The following ARFGEF2 variants were observed in gnomAD, a reference collection of about 807,000 sequenced individuals.
The protein encoded by ARFGEF2 is brefeldin A-inhibited guanine nucleotide-exchange protein 2.
A neutral mutation model predicts 219.9 loss-of-function variants in ARFGEF2; 74 were observed. The observed-to-expected ratio is 0.34, with a 90% CI of 0.28 to 0.41. The LOEUF (loss-of-function observed/expected upper bound fraction) is 0.41. Ranked by LOEUF, ARFGEF2 falls within the 10% of genes least tolerant of loss-of-function variation. The pLI is 1.00. For synonymous variants in ARFGEF2, 733 were observed against 799.2 expected, an observed-to-expected ratio of 0.92 and a Z score of 1.40; for missense variants, 1,743 against 2,218.3, an observed-to-expected ratio of 0.79 and a Z score of 4.30.
chr20:48,976,875 A>G (rs1457930863), intron 14 of ARFGEF2, among the ~76,000 whole-genome samples: 1 of 152,120 alleles, frequency 6.6e-6, no homozygotes, highest in Non-Finnish European at 1.5e-5. Context: ...TATATATTAC[A>G]TGAAAAATTT....
intron 27 of ARFGEF2, 139 bp downstream of exon 27, chr20:49,010,543 A>G: frequency 1.0e-6 from 1 of 979,350 alleles, no homozygotes; most frequent in Non-Finnish European, 1.6e-6. Flanking sequence ...GCCGTGTTGT[A>G]AGCGCTTGAT....
chr20:48,971,062 C>T (rs919720550), intron 9 of ARFGEF2, 58 bp from the exon 10 acceptor site: 1 of 1,431,122 alleles, frequency 7.0e-7, no homozygotes. Context: ...TCTCAAGAAA[C>T]ATACTGTTTG....
intron 6 of ARFGEF2, among the ~76,000 whole-genome samples, chr20:48,958,830 G>A (rs1209440550): frequency 6.6e-6 from 1 of 152,096 alleles, no homozygotes; most frequent in Non-Finnish European, 1.5e-5. Flanking sequence ...TTACTGTGTA[G>A]TAACAACAGT....
intron 3 of ARFGEF2, among the ~76,000 whole-genome samples, chr20:48,944,946 G>A (rs1275583729): frequency 6.6e-6 from 1 of 152,188 alleles, no homozygotes; most frequent in African/African-American, 2.4e-5. Context: ...TTCAACAACA[G>A]GCATTTATTT....
At chr20:49,029,705 C>T (rs1022839085) in intron 37 of ARFGEF2, among the ~76,000 whole-genome samples, 1 of 151,748 alleles carries the variant, frequency 6.6e-6, no homozygotes, top group African/African-American at 2.4e-5. Context: ...AATTCTCCTG[C>T]CTCGGCCTCC....
Position 49,032,143 on chromosome 20 carries a change from A to C in ARFGEF2, c.5158A>C (p.Thr1720Pro). 6.2e-7 allele frequency: 1 copy of C among 1,613,496 alleles called. No homozygotes were observed. The highest frequency in any genetic ancestry group is 8.5e-7 in the Non-Finnish European group (1 of 1,179,558). Reference sequence around the variant, plus strand: ...TCTCTTGTTGTTACTTCTAACTAAAACCCTCAAAATAAATGATGAAAAGGT... The same window carrying C: ...TCTCTTGTTGTTACTTCTAACTAAACCCCTCAAAATAAATGATGAAAAGGT... ...TSLLLLLLTKTLKINDEKFKA... is the reference protein window; with the variant it reads ...TSLLLLLLTKPLKINDEKFKA... The change falls in exon 38 of 39, where the codon ACC becomes CCC. Residue 1720 changes from threonine (T) to proline (P), a missense_variant. Coordinates refer to ENST00000371917, the MANE Select transcript of ARFGEF2 (RefSeq NM_006420.3).
At chr20:48,997,762 T>C (rs2091401056) in intron 23 of ARFGEF2, among the ~76,000 whole-genome samples, 1 of 152,186 alleles carries the variant, frequency 6.6e-6, no homozygotes. Flanking sequence ...CCAAATCTAA[T>C]TAAAAAGAAA....
chr20:48,991,293 TG>T, intron 21 of ARFGEF2, 95 bp downstream of exon 21: 1 of 1,540,846 alleles, frequency 6.5e-7, no homozygotes, highest in Non-Finnish European at 8.9e-7. Context: ...CTGTTTTTCT[TG>T]AAGTCAAATC....
chr20:49,018,843 A>G, intron 33 of ARFGEF2, 41 bp from the exon 34 acceptor site: 11 of 1,554,308 alleles, frequency 7.1e-6, no homozygotes, highest in Non-Finnish European at 8.9e-6. Context: ...AATTATCATG[A>G]AGAAAAGTGA....
At chr20:48,936,891 A>T (rs977693380) in intron 1 of ARFGEF2, among the ~76,000 whole-genome samples, 3 of 152,106 alleles carry the variant, frequency 2.0e-5, no homozygotes, top group Non-Finnish European at 4.4e-5. Context: ...TTGGCCACAT[A>T]AATGTCTTCT....
At chr20:49,017,160 T>C in intron 31 of ARFGEF2, 89 bp from the exon 32 acceptor site, 6 of 1,330,210 alleles carry the variant, frequency 4.5e-6, no homozygotes, top group Non-Finnish European at 6.4e-6. Flanking sequence ...CCAGTTGCTG[T>C]CTCCAACTCA....
chr20:48,975,128 A>G (rs1186648119), intron 13 of ARFGEF2, among the ~76,000 whole-genome samples: 1 of 152,172 alleles, frequency 6.6e-6, no homozygotes. Flanking sequence ...TCACTGATTC[A>G]AAGCATCACC....
rs985656081 is a variant in ARFGEF2, at chr20:48,921,773, G to C, written c.-117G>C. 12 of 1,088,870 alleles carry C rather than the reference G, an allele frequency of 1.1e-5. No individual in the cohort carries two copies. The highest frequency in any genetic ancestry group is 1.4e-5 in the Non-Finnish European group (12 of 877,010). 67.5% of individuals were successfully genotyped at this position (1,088,870 alleles called of 1,614,324 possible). On this transcript the variant is annotated 5_prime_UTR_variant, in exon 1 of 39. Transcript: ENST00000371917. ...TGGGGCCGAGGTGTCGCTTCCTGAC[G>C]GGGCGGCGCGGACGGACGCGGCCGG...
rs374522450 is a variant in ARFGEF2, at chr20:48,971,369, G to A, written c.1425+15G>A. ...TGCAGATAGAGGTACGGATTCCAAA[G>A]TTTTTTCATTTCATTATTTACTATT... On this transcript the variant is annotated intron_variant, in intron 10 of 38. Coordinates refer to ENST00000371917, the MANE Select transcript of ARFGEF2 (RefSeq NM_006420.3). 24 of 1,584,054 alleles carry A rather than the reference G, an allele frequency of 1.5e-5. No homozygotes were observed. Among genetic ancestry groups the A allele is most frequent in the Middle Eastern group, 3.3e-4 (2 of 6,012 alleles).
At chr20:49,001,093 G>A (rs955271447) in intron 25 of ARFGEF2, among the ~76,000 whole-genome samples, 23 of 116,296 alleles carry the variant, frequency 2.0e-4, no homozygotes, top group Admixed American at 1.3e-3. Context: ...ACAGAGTTTC[G>A]CACTGTTGCC....
At position 48,998,253 on chromosome 20, in the gene ARFGEF2, G is replaced by T. The variant is rs375773061; in HGVS notation, c.3262+20G>T. 1 of 1,614,116 alleles carries T rather than the reference G, an allele frequency of 6.2e-7. No individual in the cohort carries two copies. The highest frequency in any genetic ancestry group is 8.5e-7 in the Non-Finnish European group (1 of 1,179,980). ...CAATAGGTATGTATTTGACTTACCT[G>T]TGAAAACTGCAGAAGCCTCACGCTG... is the stretch of plus-strand genomic sequence containing the variant. On this transcript the variant is annotated intron_variant, in intron 24 of 38. Coordinates refer to ENST00000371917, the MANE Select transcript of ARFGEF2 (RefSeq NM_006420.3).
intron 3 of ARFGEF2, among the ~76,000 whole-genome samples, chr20:48,944,785 C>T (rs1024725137): frequency 3.9e-5 from 6 of 152,086 alleles, no homozygotes; most frequent in Non-Finnish European, 5.9e-5. Flanking sequence ...GACTTCTTGA[C>T]TCTGTGTCTG....
chr20:49,025,421 C>T lies in ARFGEF2; in HGVS notation c.4864C>T (p.His1622Tyr), dbSNP rs757797270. 6.2e-7 allele frequency: 1 copy of T among 1,614,006 alleles called. No individual in the cohort carries two copies. Among genetic ancestry groups the T allele is most frequent in the African/African-American group, 1.3e-5 (1 of 74,904 alleles). Residue 1622 changes from histidine to tyrosine, a missense_variant, in exon 36 of 39, where the codon CAT (histidine) becomes TAT (tyrosine). Transcript: ENST00000371917. ...GCTGTTGGACTGTTTGCAGGAATCC[C>T]ATTCATTCTCAAAGGCCTTCAACTC... ...FKLLDCLQESHSFSKAFNSNY... is the reference protein window; with the variant it reads ...FKLLDCLQESYSFSKAFNSNY...
At chr20:49,002,172 AG>A (rs1242993925) in intron 25 of ARFGEF2, among the ~76,000 whole-genome samples, 1 of 152,222 alleles carries the variant, frequency 6.6e-6, no homozygotes, top group Non-Finnish European at 1.5e-5. Flanking sequence ...CGGGGGGTGG[AG>A]GTTGCAGTGA....
Sources: gnomAD v4.1 joint callset for allele counts (sites outside exome capture counted in the v4.1 genomes callset) on GRCh38, gnomAD v4.1.1 for gene constraint, MANE v1.5 for transcripts, NCBI Gene and HGNC (gene_info 2026-07-23, HGNC 2026-07-21) for gene names.